Variants in APP observed in about 807,000 individuals in gnomAD.
APP encodes amyloid-beta precursor protein.
APP carries 31 observed loss-of-function variants against 101.4 expected under a neutral mutation model. That is an observed-to-expected ratio of 0.31 (90% confidence interval 0.23 to 0.41). APP has a LOEUF of 0.41. Ranked by LOEUF, APP falls within the 10% of genes least tolerant of loss-of-function variation. The pLI is 1.00. For missense variants in APP, 839 were observed against 1,003.7 expected, an observed-to-expected ratio of 0.84 and a Z score of 2.22; for synonymous variants, 366 against 364.4, an observed-to-expected ratio of 1.00 and a Z score of -0.05.
chr21:26,170,775 C>G, upstream of APP: 2 of 802,376 alleles, frequency 2.5e-6, no homozygotes, highest in South Asian at 4.4e-5. Context: ...ACTGACGGAG[C>G]CCGAGCGCGG....
chr21:25,993,526 A>C (rs1489030535), intron 8 of APP, among the ~76,000 whole-genome samples: 1 of 152,246 alleles, frequency 6.6e-6, no homozygotes, highest in African/African-American at 2.4e-5. Flanking sequence ...GAGACCTTCA[A>C]TACTATAGTC....
intron 5 of APP, among the ~76,000 whole-genome samples, chr21:26,044,477 A>G: frequency 6.6e-6 from 1 of 152,228 alleles, no homozygotes; most frequent in South Asian, 2.1e-4. Context: ...GAGCCTTCAC[A>G]TGATATCCTA....
intron 4 of APP, among the ~76,000 whole-genome samples, chr21:26,051,890 T>C (rs2045854875): frequency 6.6e-6 from 1 of 152,246 alleles, no homozygotes; most frequent in Non-Finnish European, 1.5e-5. Context: ...AGACTGTATT[T>C]TGACCTTATG....
At chr21:25,945,855 A>T in intron 13 of APP, 2 of 453,994 alleles carry the variant, frequency 4.4e-6, no homozygotes, top group Non-Finnish European at 8.8e-6. Context: ...TGCCTGGATA[A>T]TTTTTTTGTA....
intron 9 of APP, among the ~76,000 whole-genome samples, chr21:25,976,402 C>T (rs1181733817): frequency 6.6e-6 from 1 of 152,104 alleles, no homozygotes; most frequent in Non-Finnish European, 1.5e-5. Flanking sequence ...AAGTTTTACT[C>T]TCTTATGAAA....
intron 5 of APP, among the ~76,000 whole-genome samples, chr21:26,049,265 C>T (rs980563159): frequency 5.9e-5 from 9 of 151,988 alleles, no homozygotes; most frequent in African/African-American, 2.2e-4. Flanking sequence ...AAAGGGAAGA[C>T]AGGAAACAAA....
At chr21:25,915,331 C>T (rs1253798783) in intron 13 of APP, among the ~76,000 whole-genome samples, 1 of 152,204 alleles carries the variant, frequency 6.6e-6, no homozygotes, top group Non-Finnish European at 1.5e-5. Flanking sequence ...GTATGACTCT[C>T]CTCTCCCAAG....
chr21:26,069,060 A>T (rs999483559), intron 3 of APP, among the ~76,000 whole-genome samples: 2 of 152,240 alleles, frequency 1.3e-5, no homozygotes, highest in Non-Finnish European at 1.5e-5. Flanking sequence ...AACAGAACTA[A>T]CACTGAACAT....
chr21:26,140,338 A>G, intron 1 of APP: 1 of 1,520,294 alleles, frequency 6.6e-7, no homozygotes, highest in Non-Finnish European at 8.8e-7. Context: ...GTGAGTCAAC[A>G]GCATGTCAAC....
At position 25,881,358 on chromosome 21, in the gene APP, C is replaced by T. The variant is rs1226442546; in HGVS notation, c.*312G>A. ...GAATAATATACAACTGGCTAAGGGG[C>T]TATGTGATAAATAATCAGGAGAGAA... On this transcript the variant is annotated 3_prime_UTR_variant, in exon 18 of 18. Coordinates refer to ENST00000346798, the MANE Select transcript of APP (RefSeq NM_000484.4). The T allele has an allele frequency of 2.4e-6, 1 of 424,964 alleles. No individual in the cohort carries two copies. The highest frequency in any genetic ancestry group is 4.4e-6 in the Non-Finnish European group (1 of 227,810). The allele number at this position is 424,964 out of a possible 1,614,324, so 26.3% of individuals were successfully genotyped here.
chr21:26,097,806 C>T (rs931731495), intron 2 of APP, among the ~76,000 whole-genome samples: 13 of 152,082 alleles, frequency 8.5e-5, no homozygotes, highest in Non-Finnish European at 1.0e-4. Flanking sequence ...ATAGGCCGGG[C>T]GCGGTGGCTC....
At chr21:26,011,004 C>T (rs1488480865) in intron 6 of APP, among the ~76,000 whole-genome samples, 1 of 151,554 alleles carries the variant, frequency 6.6e-6, no homozygotes, top group Non-Finnish European at 1.5e-5. Context: ...CCAGCCTGGG[C>T]GACAGCAAGA....
At chr21:25,993,442 A>C (rs7278134) in intron 8 of APP, among the ~76,000 whole-genome samples, 2 of 151,798 alleles carry the variant, frequency 1.3e-5, no homozygotes, top group Admixed American at 6.6e-5. Flanking sequence ...AGGTGAACCA[A>C]TGACTTCAAA....
chr21:25,902,921 A>C (rs1001629730), intron 15 of APP, among the ~76,000 whole-genome samples: 1 of 152,166 alleles, frequency 6.6e-6, no homozygotes, highest in African/African-American at 2.4e-5. Context: ...GTGACATCAT[A>C]TTCTTACTGT....
intron 5 of APP, among the ~76,000 whole-genome samples, chr21:26,041,453 G>A (rs2045368119): frequency 6.6e-6 from 1 of 152,146 alleles, no homozygotes; most frequent in Non-Finnish European, 1.5e-5. Context: ...AATTTGTACA[G>A]TTTAATTAAA....
intron 1 of APP, among the ~76,000 whole-genome samples, chr21:26,151,835 C>G (rs1203368841): frequency 6.6e-6 from 1 of 152,184 alleles, no homozygotes; most frequent in Non-Finnish European, 1.5e-5. Context: ...CAGACCGGTA[C>G]CAGTCCATGG....
At chr21:26,065,441 A>G (rs2046420692) in intron 3 of APP, among the ~76,000 whole-genome samples, 1 of 152,236 alleles carries the variant, frequency 6.6e-6, no homozygotes, top group Admixed American at 6.5e-5. Context: ...AGAAAAAAAT[A>G]TAAGTAATGT....
chr21:25,949,517 C>T (rs1171866558), intron 13 of APP, among the ~76,000 whole-genome samples: 3 of 152,148 alleles, frequency 2.0e-5, no homozygotes, highest in Non-Finnish European at 4.4e-5. Flanking sequence ...GAGTTTTGGT[C>T]AGGTCTTTAG....
rs368498783 is a variant in APP, at chr21:25,998,694, G to C, written c.1034-1278C>G. Reference sequence around the variant, plus strand: ...AATTAGGCAGGAGTCTCTCAAAAAAGTAATACACAGTTATTGAGTTTCATT... The same window carrying C: ...AATTAGGCAGGAGTCTCTCAAAAAACTAATACACAGTTATTGAGTTTCATT... On this transcript the variant is annotated intron_variant, in intron 7 of 17. Transcript: ENST00000346798. Among the ~76,000 whole-genome samples, 16 of 152,202 alleles carry C rather than the reference G, an allele frequency of 1.1e-4. No homozygotes were observed. In the East Asian group the frequency reaches 2.5e-3, roughly 24 times the overall value.
Sources: gnomAD v4.1 joint callset for allele counts (sites outside exome capture counted in the v4.1 genomes callset) on GRCh38, gnomAD v4.1.1 for gene constraint, MANE v1.5 for transcripts, NCBI Gene and HGNC (gene_info 2026-07-23, HGNC 2026-07-21) for gene names.